The following KMO variants were observed in gnomAD, a reference collection of about 807,000 sequenced individuals.
KMO encodes kynurenine 3-hydroxylase.
A neutral mutation model predicts 57.8 loss-of-function variants in KMO; 24 were observed. That is an observed-to-expected ratio of 0.42 (90% confidence interval 0.30 to 0.58). The LOEUF (loss-of-function observed/expected upper bound fraction) is 0.58, where lower values mean the gene tolerates loss of function less well. Ranked by LOEUF, KMO falls within the 20% of genes least tolerant of loss-of-function variation. KMO has a pLI of 0.22. For synonymous variants in KMO, 210 were observed against 193.6 expected, an observed-to-expected ratio of 1.08 and a Z score of -0.70; for missense variants, 483 against 588.2, an observed-to-expected ratio of 0.82 and a Z score of 1.85.
At chr1:241,588,923 A>G in intron 12 of KMO, 93 bp downstream of exon 12, 2 of 836,182 alleles carry the variant, frequency 2.4e-6, no homozygotes, top group East Asian at 2.6e-5. Flanking sequence ...CCCCCATCTC[A>G]TGCATGCTAT....
intron 9 of KMO, among the ~76,000 whole-genome samples, chr1:241,567,714 A>G (rs1280520312): frequency 6.6e-6 from 1 of 152,214 alleles, no homozygotes; most frequent in Non-Finnish European, 1.5e-5. Context: ...AAAAATTGCT[A>G]GTCACTTCCT....
intron 4 of KMO, among the ~76,000 whole-genome samples, chr1:241,553,051 T>C (rs1012047270): frequency 1.3e-5 from 2 of 152,226 alleles, no homozygotes; most frequent in African/African-American, 4.8e-5. Flanking sequence ...TTTTCTAATA[T>C]GTCTGAGGTA....
chr1:241,594,571 C>T lies in KMO; in HGVS notation c.*2418C>T. ...ACTTTTTTCTTTGGCCTGTCCCCAT[C>T]TTTCTGTGACATCACAATGGGTCTG... is the stretch of plus-strand genomic sequence containing the variant. On this transcript the variant is annotated 3_prime_UTR_variant, in exon 15 of 15. Coordinates refer to ENST00000366559, the MANE Select transcript of KMO (RefSeq NM_003679.5). 6.2e-7 allele frequency: 1 copy of T among 1,614,148 alleles called. No homozygotes were observed. Among genetic ancestry groups the T allele is most frequent in the Non-Finnish European group, 8.5e-7 (1 of 1,179,998 alleles).
Position 241,590,102 on chromosome 1 carries a change from C to T in KMO, c.1189C>T (p.Leu397Phe), listed in dbSNP as rs150953082. 1 of 1,612,540 alleles carries T rather than the reference C, an allele frequency of 6.2e-7. No homozygotes were observed. The highest frequency in any genetic ancestry group is 8.5e-7 in the Non-Finnish European group (1 of 1,178,698). ...HAIMPSTFIP[L>F]YTMVTFSRIR... ...GATTATGCCATCGACCTTTATCCCT[C>T]TCTATACAATGGTAAGGTCTGGACT... is the stretch of plus-strand genomic sequence containing the variant. The change falls in exon 13 of 15, where the codon CTC becomes TTC. Residue 397 changes from leucine (L) to phenylalanine (F), a missense_variant. Coordinates refer to ENST00000366559, the MANE Select transcript of KMO (RefSeq NM_003679.5).
intron 1 of KMO, among the ~76,000 whole-genome samples, chr1:241,547,940 C>A (rs114450338): frequency 0.016 from 2,452 of 152,036 alleles, 70 homozygotes; most frequent in African/African-American, 0.057. Flanking sequence ...CTCAAGTGTC[C>A]TTTGACAGTA....
At chr1:241,557,071 T>C (rs1443967549) in intron 5 of KMO, among the ~76,000 whole-genome samples, 1 of 152,044 alleles carries the variant, frequency 6.6e-6, no homozygotes. Flanking sequence ...ATTCATGATA[T>C]TTGTAAGAGA....
In KMO at chr1:241,592,242, C is replaced by G; in HGVS notation, c.*89C>G. Reference sequence around the variant, plus strand: ...TGTTTCCATTGCCATATTTGATTCACTAGTGGAAGATAGTGTTCTGCTTAT... The same window carrying G: ...TGTTTCCATTGCCATATTTGATTCAGTAGTGGAAGATAGTGTTCTGCTTAT... On this transcript the variant is annotated 3_prime_UTR_variant, in exon 15 of 15. Transcript: ENST00000366559. 2.2e-6 allele frequency: 2 copies of G among 902,326 alleles called. No individual in the cohort carries two copies. The highest frequency in any genetic ancestry group is 4.1e-5 in the Admixed American group (2 of 48,336). The allele number at this position is 902,326 out of a possible 1,614,324, so 55.9% of individuals were successfully genotyped here. A position where few individuals can be genotyped will look rare whatever the true frequency, so the allele number is the denominator to read the frequency against.
chr1:241,559,720 A>AT (rs1015067984), intron 5 of KMO, among the ~76,000 whole-genome samples: 4 of 152,098 alleles, frequency 2.6e-5, no homozygotes, highest in Non-Finnish European at 4.4e-5. Flanking sequence ...TATTTTCCCC[A>AT]TTTTTTTCAA....
rs539569693 is a variant in KMO, at chr1:241,580,901, G to A, written c.958-5778G>A. On this transcript the variant is annotated intron_variant, in intron 10 of 14. Coordinates refer to ENST00000366559, the MANE Select transcript of KMO (RefSeq NM_003679.5). ...CTTTTTCTTTATTTTATGTCTTGAT[G>A]ATCTGTCCAAAGGTGAAACTGGGGT... Among the ~76,000 whole-genome samples, 40 of 151,230 alleles carry A rather than the reference G, an allele frequency of 2.6e-4. No homozygotes were observed. The South Asian group carries it at 7.7e-3, about 29-fold the overall frequency.
chr1:241,581,613 GAGAAA>G (rs765306198), intron 10 of KMO, among the ~76,000 whole-genome samples: 5 of 151,516 alleles, frequency 3.3e-5, no homozygotes, highest in African/African-American at 9.7e-5. Context: ...AAGAAAAAAA[GAGAAA>G]AGAAAAGAAA....
At position 241,592,794 on chromosome 1, in the gene KMO, C is replaced by CTA. The variant is rs1663367410; in HGVS notation, c.*643_*644dup. The CTA allele has an allele frequency of 6.5e-6, 1 of 152,884 alleles. No individual in the cohort carries two copies. Among genetic ancestry groups the CTA allele is most frequent in the Admixed American group, 6.5e-5 (1 of 15,436 alleles). The allele number at this position is 152,884 out of a possible 1,614,324, so 9.5% of individuals were successfully genotyped here. ...TCTATCTATCTATCTATCTATCTAT[C>CTA]TATCTCTATTTATTTATGTATTTAG... On this transcript the variant is annotated 3_prime_UTR_variant, in exon 15 of 15. Coordinates refer to ENST00000366559, the MANE Select transcript of KMO (RefSeq NM_003679.5).
intron 10 of KMO, among the ~76,000 whole-genome samples, chr1:241,569,532 C>G (rs1662200786): frequency 6.6e-6 from 1 of 152,018 alleles, no homozygotes; most frequent in African/African-American, 2.4e-5. Context: ...TGAATATGTA[C>G]TACATTTTCC....
At chr1:241,584,746 A>G (rs1216303758) in intron 10 of KMO, among the ~76,000 whole-genome samples, 2 of 152,208 alleles carry the variant, frequency 1.3e-5, no homozygotes, top group Admixed American at 6.5e-5. Flanking sequence ...CTAATCAATT[A>G]TATTCTCCAT....
Position 241,593,330 on chromosome 1 carries a change from G to A in KMO, c.*1177G>A, listed in dbSNP as rs1183944602. ...CTTGATTTTTAAAAGCACATTTAGTGAAATGTTTTCTTTGGTTCATCCTTC... is the reference window on the plus strand; with the variant it reads ...CTTGATTTTTAAAAGCACATTTAGTAAAATGTTTTCTTTGGTTCATCCTTC... On this transcript the variant is annotated 3_prime_UTR_variant, in exon 15 of 15. Transcript: ENST00000366559. 1 of 420,382 alleles carries A rather than the reference G, an allele frequency of 2.4e-6. No homozygotes were observed. Among genetic ancestry groups the A allele is most frequent in the Admixed American group, 2.4e-5 (1 of 41,828 alleles). 26.0% of individuals were successfully genotyped at this position (420,382 alleles called of 1,614,324 possible). A position where few individuals can be genotyped will look rare whatever the true frequency, so the allele number is the denominator to read the frequency against.
intron 2 of KMO, 149 bp downstream of exon 2, chr1:241,549,047 A>C: frequency 1.8e-6 from 1 of 556,296 alleles, no homozygotes; most frequent in Middle Eastern, 2.8e-4. Flanking sequence ...AAAAATACAA[A>C]AATTAGCCTG....
chr1:241,532,403 G>A lies in KMO; in HGVS notation c.-42G>A. ...GAGACACAGAAATCAGTGTCACTCA[G>A]TGACAGAAGCAACAATAATTGTGAA... On this transcript the variant is annotated 5_prime_UTR_variant, in exon 1 of 15. It adds an upstream start codon to the 5' untranslated region. Coordinates refer to ENST00000366559, the MANE Select transcript of KMO (RefSeq NM_003679.5). 3 of 1,612,014 alleles carry A rather than the reference G, an allele frequency of 1.9e-6. No individual in the cohort carries two copies. The highest frequency in any genetic ancestry group is 1.3e-5 in the African/African-American group (1 of 74,938).
chr1:241,545,786 T>C (rs12077990), intron 1 of KMO, among the ~76,000 whole-genome samples: 6,266 of 152,140 alleles, frequency 0.041, 155 homozygotes, highest in African/African-American at 0.066. Context: ...GAAATCTTTT[T>C]TTAGAGAGTG....
chr1:241,594,733 G>C lies in KMO; in HGVS notation c.*2580G>C. The C allele has an allele frequency of 1.3e-6, 2 of 1,592,962 alleles. No homozygotes were observed. Among genetic ancestry groups the C allele is most frequent in the Non-Finnish European group, 8.5e-7 (1 of 1,170,046 alleles). Reference sequence around the variant, plus strand: ...TAAAGTGGAATATTAAGTAAAAGTTGGGCACTAATCTGGATTAACATTCGA... The same window carrying C: ...TAAAGTGGAATATTAAGTAAAAGTTCGGCACTAATCTGGATTAACATTCGA... On this transcript the variant is annotated 3_prime_UTR_variant, in exon 15 of 15. Coordinates refer to ENST00000366559, the MANE Select transcript of KMO (RefSeq NM_003679.5).
At position 241,555,659 on chromosome 1, in the gene KMO, T is replaced by C. The variant is rs756792590; in HGVS notation, c.360T>C (p.Thr120=). Residue 120 remains threonine (T), a splice_region_variant and synonymous_variant, in exon 5 of 15, where the codon ACT becomes ACC. Transcript: ENST00000366559. ...SRENLNKDLL[T]AAEKYPNVKM... ...AAAATCTAAACAAGGATCTATTGAC[T>C]GGTAAGTCTAATGTTTGATTCATCA... 1.5e-5 allele frequency: 24 copies of C among 1,551,696 alleles called. No homozygotes were observed.
Sources: allele counts gnomAD v4.1 joint callset (sites outside exome capture counted in the v4.1 genomes callset), GRCh38; gene constraint gnomAD v4.1.1; transcripts MANE v1.5; gene names NCBI Gene and HGNC (gene_info 2026-07-23, HGNC 2026-07-21).